The following STOX1 variants were observed in gnomAD, a reference collection of about 807,000 sequenced individuals.
STOX1 encodes storkhead-box protein 1.
STOX1 carries 57 observed loss-of-function variants against 74.8 expected under a neutral mutation model. That is an observed-to-expected ratio of 0.76 (90% confidence interval 0.62 to 0.95). The LOEUF is 0.95. STOX1 is among the 40% of genes least tolerant of loss of function. The pLI is 0.00. For synonymous variants in STOX1, 375 were observed against 401.3 expected, an observed-to-expected ratio of 0.93 and a Z score of 0.78; for missense variants, 1,010 against 1,117.0, an observed-to-expected ratio of 0.90 and a Z score of 1.37.
chr10:68,865,571 C>T (rs1240764557), intron 1 of STOX1, among the ~76,000 whole-genome samples: 1 of 152,120 alleles, frequency 6.6e-6, no homozygotes, highest in Admixed American at 6.5e-5. Flanking sequence ...ATGGCATGAA[C>T]CTGGGAGGTG....
downstream of STOX1, among the ~76,000 whole-genome samples, chr10:68,894,913 A>G (rs1024797436): frequency 6.6e-6 from 1 of 152,004 alleles, no homozygotes; most frequent in African/African-American, 2.4e-5. Flanking sequence ...TTGTAGAGAC[A>G]GGATCTCACT....
At chr10:68,894,883 G>C (rs1841165932), downstream of STOX1, among the ~76,000 whole-genome samples, 1 of 152,058 alleles carries the variant, frequency 6.6e-6, no homozygotes, top group Non-Finnish European at 1.5e-5. Context: ...AAGCCACCAG[G>C]CTTGTCTTAA....
At chr10:68,852,505 G>T (rs1378197183) in intron 1 of STOX1, among the ~76,000 whole-genome samples, 1 of 151,746 alleles carries the variant, frequency 6.6e-6, no homozygotes, top group East Asian at 1.9e-4. Context: ...TGATCCACCA[G>T]CCTCGGCCTC....
At chr10:68,871,334 G>T (rs1840532174) in intron 1 of STOX1, among the ~76,000 whole-genome samples, 1 of 152,150 alleles carries the variant, frequency 6.6e-6, no homozygotes, top group Non-Finnish European at 1.5e-5. Context: ...CAAATTGTGG[G>T]GTCTGTTCCA....
intron 1 of STOX1, among the ~76,000 whole-genome samples, chr10:68,856,446 C>T (rs1273101768): frequency 2.0e-5 from 3 of 152,044 alleles, no homozygotes; most frequent in Admixed American, 6.5e-5. Flanking sequence ...TTCTGCTGCT[C>T]ACAGAGGTTT....
intron 1 of STOX1, among the ~76,000 whole-genome samples, chr10:68,869,570 G>A (rs1250676388): frequency 6.6e-6 from 1 of 152,072 alleles, no homozygotes; most frequent in East Asian, 1.9e-4. Context: ...GGGGGATACA[G>A]GGACAAAGGG....
At chr10:68,846,128 A>G (rs896660494) in intron 1 of STOX1, among the ~76,000 whole-genome samples, 2 of 74,118 alleles carry the variant, frequency 2.7e-5, no homozygotes, top group African/African-American at 8.6e-5. Context: ...TTTTATTATT[A>G]TTATTATTAT....
intron 1 of STOX1, among the ~76,000 whole-genome samples, chr10:68,849,221 G>A (rs1038194916): frequency 1.8e-4 from 27 of 152,136 alleles, no homozygotes; most frequent in African/African-American, 6.3e-4. Context: ...TATTGGCCCT[G>A]TGTGTCCATG....
intron 1 of STOX1, among the ~76,000 whole-genome samples, chr10:68,852,415 C>T (rs1236008721): frequency 1.4e-4 from 21 of 150,914 alleles, no homozygotes; most frequent in Admixed American, 2.6e-4. Flanking sequence ...CCCGCCACCG[C>T]ACCCGGCTAA....
At chr10:68,837,862 C>G (rs964271991) in intron 1 of STOX1, among the ~76,000 whole-genome samples, 13 of 151,624 alleles carry the variant, frequency 8.6e-5, no homozygotes, top group African/African-American at 3.1e-4. Flanking sequence ...AATAAGATAC[C>G]ATCTATGCAA....
Position 68,885,364 on chromosome 10 carries a change from A to G in STOX1, c.1568A>G (p.Gln523Arg). The G allele has an allele frequency of 6.2e-7, 1 of 1,614,218 alleles. No homozygotes were observed. Among genetic ancestry groups the G allele is most frequent in the Non-Finnish European group, 8.5e-7 (1 of 1,180,030 alleles). ...IQKTSDLKPS[Q>R]TGPKEKPFQK... ...AAGACGAGTGATCTGAAACCCAGCC[A>G]GACTGGACCAAAGGAAAAGCCTTTC... The change falls in exon 3 of 4, where the codon CAG becomes CGG. Residue 523 changes from glutamine (Q) to arginine (R), a missense_variant. Coordinates refer to ENST00000298596, the MANE Select transcript of STOX1 (RefSeq NM_152709.5).
chr10:68,842,620 AAC>A (rs1232271498), intron 1 of STOX1, among the ~76,000 whole-genome samples: 1 of 146,888 alleles, frequency 6.8e-6, no homozygotes, highest in Admixed American at 7.0e-5. Context: ...GGTTCACTGC[AAC>A]CTCCGCCTCC....
At chr10:68,866,067 A>G (rs1336381058) in intron 1 of STOX1, among the ~76,000 whole-genome samples, 3 of 151,854 alleles carry the variant, frequency 2.0e-5, no homozygotes, top group Non-Finnish European at 4.4e-5. Flanking sequence ...GACATACCCC[A>G]TTTCATGCAT....
At chr10:68,849,772 T>A (rs1165023290) in intron 1 of STOX1, among the ~76,000 whole-genome samples, 1 of 152,218 alleles carries the variant, frequency 6.6e-6, no homozygotes, top group East Asian at 1.9e-4. Context: ...AGATTTTGAT[T>A]TCTGTTGCAA....
At chr10:68,849,711 T>G (rs1469924459) in intron 1 of STOX1, among the ~76,000 whole-genome samples, 1 of 152,034 alleles carries the variant, frequency 6.6e-6, no homozygotes, top group Non-Finnish European at 1.5e-5. Flanking sequence ...GCTTACAGGG[T>G]GAGATATGTT....
At chr10:68,860,429 CAGG>C in intron 1 of STOX1, among the ~76,000 whole-genome samples, 1 of 150,822 alleles carries the variant, frequency 6.6e-6, no homozygotes, top group Non-Finnish European at 1.5e-5. Context: ...AAAAATTAGC[CAGG>C]CATGGCAGGA....
At chr10:68,830,030 C>T (rs777892307) in intron 1 of STOX1, among the ~76,000 whole-genome samples, 5 of 152,044 alleles carry the variant, frequency 3.3e-5, no homozygotes, top group Admixed American at 6.6e-5. Context: ...GGGGTCTAGA[C>T]CTGGGGGCGA....
intron 1 of STOX1, among the ~76,000 whole-genome samples, chr10:68,869,949 G>A (rs7915930): frequency 0.66 from 100,090 of 151,778 alleles, 33,275 homozygotes; most frequent in East Asian, 0.9. Context: ...GAAGAGAGGC[G>A]ACTTACTCAG....
rs189283756 is a variant in STOX1, at chr10:68,877,174, T to C, written c.311-4784T>C. Among the ~76,000 whole-genome samples the C allele has an allele frequency of 3.0e-3, 460 of 152,210 alleles. 6 individuals carry two copies. Among genetic ancestry groups the C allele is most frequent in the South Asian group, 0.019 (93 of 4,814 alleles). On this transcript the variant is annotated intron_variant, in intron 1 of 3. Coordinates refer to ENST00000298596, the MANE Select transcript of STOX1 (RefSeq NM_152709.5). ...TAGCAATTAACGGTGTCCTCTAAAG[T>C]GAAGTTTACATTTAGTTGTATTAAT...
Sources: allele counts gnomAD v4.1 joint callset (sites outside exome capture counted in the v4.1 genomes callset), GRCh38; gene constraint gnomAD v4.1.1; transcripts MANE v1.5; gene names NCBI Gene and HGNC (gene_info 2026-07-23, HGNC 2026-07-21).